Variants in ERG observed in about 807,000 individuals in gnomAD.
ERG encodes the protein ETS transcription factor ERG, also known as transcriptional regulator ERG.
In ERG, 9 loss-of-function variants were observed where a neutral mutation model predicts 55.3. The observed-to-expected ratio is 0.16, with a 90% CI of 0.10 to 0.28. ERG has a LOEUF of 0.28. Ranked by LOEUF, ERG falls within the 10% of genes least tolerant of loss-of-function variation. The probability of loss-of-function intolerance (pLI) is 1.00; values close to 1 mark genes in which losing one functional copy is unlikely to be tolerated. For synonymous variants in ERG, 223 were observed against 237.3 expected (o/e 0.94, Z 0.55); for missense variants, 434 against 631.6 (o/e 0.69, Z 3.35).
At chr21:38,406,070 G>A (rs532693770) in intron 3 of ERG, among the ~76,000 whole-genome samples, 8 of 149,994 alleles carry the variant, frequency 5.3e-5, no homozygotes, top group Non-Finnish European at 1.0e-4. Context: ...CAGGAAAATG[G>A]CATGAACCCG....
chr21:38,487,256 A>T (rs1285446910), intron 1 of ERG, among the ~76,000 whole-genome samples: 2 of 152,080 alleles, frequency 1.3e-5, no homozygotes, highest in Non-Finnish European at 2.9e-5. Context: ...GACAAAAAAA[A>T]TCAAAAAAGA....
At chr21:38,618,554 T>G (rs994157700) in intron 1 of ERG, among the ~76,000 whole-genome samples, 1 of 151,946 alleles carries the variant, frequency 6.6e-6, no homozygotes. Flanking sequence ...GCGGGGAGGT[T>G]GGGGGGGAAC....
At chr21:38,413,501 C>A (rs923049840) in intron 3 of ERG, among the ~76,000 whole-genome samples, 1 of 152,036 alleles carries the variant, frequency 6.6e-6, no homozygotes, top group East Asian at 1.9e-4. Flanking sequence ...GTATAATCCT[C>A]TATGAAAGAT....
chr21:38,562,613 A>G (rs189956222), intron 2 of ERG, among the ~76,000 whole-genome samples: 1 of 152,206 alleles, frequency 6.6e-6, no homozygotes. Flanking sequence ...TGTGATCTGA[A>G]CTACATTTAA....
rs148925565 is a variant in ERG at position 38,581,581 on chromosome 21, C to T, written c.-127+3263G>A. Among the ~76,000 whole-genome samples the T allele has an allele frequency of 2.7e-3, 417 of 152,282 alleles. 3 individuals are homozygous for T. The highest frequency in any genetic ancestry group is 9.1e-3 in the Admixed American group (139 of 15,304). On this transcript the variant is annotated intron_variant, in intron 1 of 8. Transcript: ENST00000398897. ...CAGAACCTTCAGCCCCATTTCCCAA[C>T]CTCTCAGGAGAGGAGAGGAGCTAGA...
intron 3 of ERG, among the ~76,000 whole-genome samples, chr21:38,410,705 C>T (rs1438262072): frequency 1.3e-5 from 2 of 152,164 alleles, no homozygotes; most frequent in African/African-American, 4.8e-5. Context: ...GGCAAAGGGG[C>T]ACTGCATCGC....
intron 2 of ERG, among the ~76,000 whole-genome samples, chr21:38,439,518 C>T (rs1396959547): frequency 6.6e-6 from 1 of 152,182 alleles, no homozygotes; most frequent in Non-Finnish European, 1.5e-5. Context: ...ATTGTGTGAA[C>T]ACTTGGGGCT....
chr21:38,380,552 G>A lies in ERG; in HGVS notation c.*2851C>T, dbSNP rs1987378649. On this transcript the variant is annotated 3_prime_UTR_variant, in exon 10 of 10. Coordinates refer to ENST00000288319, the MANE Select transcript of ERG (RefSeq NM_182918.4). ...CTGAGTATACATCAGGGCAAGCCAA[G>A]AGACAGGGACAAACAGAGAGAAAAG... is the stretch of plus-strand genomic sequence containing the variant. The A allele has an allele frequency of 1.9e-6, 2 of 1,065,820 alleles. No individual in the cohort carries two copies. Among genetic ancestry groups the A allele is most frequent in the Non-Finnish European group, 2.3e-6 (2 of 879,682 alleles). 66.0% of individuals were successfully genotyped at this position (1,065,820 alleles called of 1,614,324 possible).
In ERG at chr21:38,460,291, A is replaced by AGGAACCT. The variant is rs2059029744; in HGVS notation, c.19-14677_19-14671dup. On this transcript the variant is annotated intron_variant, in intron 1 of 9. Transcript: ENST00000288319. The surrounding 1 kb of genome is among the most constrained non-coding windows in gnomAD (Gnocchi z 5.0). ...GTGGTAGAGCCTTGCAGGCCATGGC[A>AGGAACCT]GGAACCTGGGTGTTGACTCAGAGAG... Among the ~76,000 whole-genome samples, 1 of 152,216 alleles carries AGGAACCT rather than the reference A, an allele frequency of 6.6e-6. No individual in the cohort carries two copies. Among genetic ancestry groups the AGGAACCT allele is most frequent in the African/African-American group, 2.4e-5 (1 of 41,452 alleles).
At chr21:38,490,609 TA>T (rs2059327267) in intron 1 of ERG, among the ~76,000 whole-genome samples, 1 of 152,198 alleles carries the variant, frequency 6.6e-6, no homozygotes, top group Non-Finnish European at 1.5e-5. Context: ...GAAGATCCGA[TA>T]GGGGCACTGC....
chr21:38,407,767 A>G (rs911853030), intron 3 of ERG, among the ~76,000 whole-genome samples: 2 of 147,318 alleles, frequency 1.4e-5, no homozygotes, highest in Admixed American at 1.4e-4. Context: ...ATAAAAGTAA[A>G]AAAACAAAAA....
At chr21:38,505,652 G>A (rs1004798210) in intron 2 of ERG, among the ~76,000 whole-genome samples, 1 of 152,178 alleles carries the variant, frequency 6.6e-6, no homozygotes, top group African/African-American at 2.4e-5. Context: ...TATTATAGCC[G>A]ATAGGGATAA....
rs181612858 is a variant in ERG at position 38,652,891 on chromosome 21, C to T, written c.-150+8767G>A. ...TGTTGGTGTGTGAACTCATCTCCTT[C>T]GAGATTTCATGATGTGCACATTCAC... On this transcript the variant is annotated intron_variant, in intron 1 of 10. Coordinates refer to the ERG transcript ENST00000398910. 2.1e-3 allele frequency among the ~76,000 whole-genome samples: 324 copies of T among 152,326 alleles called. 2 individuals carry two copies. The highest frequency in any genetic ancestry group is 7.1e-3 in the African/African-American group (294 of 41,574).
intron 2 of ERG, among the ~76,000 whole-genome samples, chr21:38,424,543 A>G (rs1458738343): frequency 1.3e-5 from 2 of 152,180 alleles, no homozygotes; most frequent in East Asian, 3.9e-4. Flanking sequence ...CTGATTGGGG[A>G]CACTTGCAGG....
At chr21:38,604,962 A>T (rs975445632) in intron 1 of ERG, among the ~76,000 whole-genome samples, 1 of 152,200 alleles carries the variant, frequency 6.6e-6, no homozygotes, top group Non-Finnish European at 1.5e-5. Flanking sequence ...GCTTCTTTCT[A>T]ACTGAAGATT....
intron 1 of ERG, among the ~76,000 whole-genome samples, chr21:38,480,591 C>CTTTTTTCTTTTTTTTTT (rs2059229005): frequency 2.0e-5 from 1 of 51,112 alleles, no homozygotes; most frequent in Non-Finnish European, 3.4e-5. Flanking sequence ...ACTATATGGC[C>CTTTTTTCTTTTTTTTTT]TTTTTTTTTT....
chr21:38,384,016 G>A, intron 9 of ERG, 93 bp from the exon 10 acceptor site: 1 of 1,482,636 alleles, frequency 6.7e-7, no homozygotes. Flanking sequence ...TGCTATTGGT[G>A]TGCCGCCCAC....
chr21:38,607,691 T>C (rs2060204653), intron 1 of ERG, among the ~76,000 whole-genome samples: 1 of 152,132 alleles, frequency 6.6e-6, no homozygotes, highest in African/African-American at 2.4e-5. Context: ...TATATATGCA[T>C]CTTAAATTCA....
chr21:38,445,440 T>C lies in ERG; in HGVS notation c.200A>G (p.Lys67Arg). The C allele has an allele frequency of 6.2e-7, 1 of 1,614,150 alleles. No homozygotes were observed. Among genetic ancestry groups the C allele is most frequent in the Non-Finnish European group, 8.5e-7 (1 of 1,180,012 alleles). ...LSQPPARVTIKMECNPSQVNG... is the reference protein window; with the variant it reads ...LSQPPARVTIRMECNPSQVNG... Reference sequence around the variant, plus strand: ...CACCTGGCTAGGGTTACATTCCATTTTGATGGTGACCCTGGCTGGGGGTTG... The same window carrying C: ...CACCTGGCTAGGGTTACATTCCATTCTGATGGTGACCCTGGCTGGGGGTTG... The change falls in exon 2 of 10, where the codon AAA (lysine) becomes AGA (arginine). Residue 67 changes from lysine (K) to arginine (R), a missense_variant. By Grantham distance (26) the Lys-to-Arg change is conservative (BLOSUM62 2). Coordinates refer to ENST00000288319, the MANE Select transcript of ERG (RefSeq NM_182918.4).
Sources: allele counts gnomAD v4.1 joint callset (sites outside exome capture counted in the v4.1 genomes callset), GRCh38; gene constraint gnomAD v4.1.1; non-coding constraint Gnocchi (gnomAD v3.1); transcripts MANE v1.5; gene names NCBI Gene and HGNC (gene_info 2026-07-23, HGNC 2026-07-21).